Variants in SLC4A4 observed in about 807,000 individuals in gnomAD.
SLC4A4 encodes the protein electrogenic sodium bicarbonate cotransporter 1.
Under a neutral mutation model 111.5 loss-of-function variants are expected in SLC4A4, and 27 were observed. The ratio of observed to expected loss-of-function variants is 0.24; its 90% confidence interval spans 0.18 to 0.33. SLC4A4 has a LOEUF of 0.33. Ranked by LOEUF, SLC4A4 falls within the 10% of genes least tolerant of loss-of-function variation. SLC4A4 has a pLI of 1.00. For missense variants in SLC4A4, 909 were observed against 1,315.5 expected (o/e 0.69, Z 4.78); for synonymous variants, 443 against 463.4 (o/e 0.96, Z 0.57).
chr4:71,454,040 T>G, intron 12 of SLC4A4, among the ~76,000 whole-genome samples: 1 of 152,322 alleles, frequency 6.6e-6, no homozygotes, highest in Middle Eastern at 3.4e-3. Flanking sequence ...ACACTTTCTT[T>G]GGGAATGTAT....
intron 2 of SLC4A4, among the ~76,000 whole-genome samples, chr4:71,119,546 T>C (rs1578497603): frequency 6.6e-6 from 1 of 152,304 alleles, no homozygotes; most frequent in East Asian, 1.9e-4. Flanking sequence ...CATGGTCACC[T>C]GGCTAAGTTT....
intron 18 of SLC4A4, among the ~76,000 whole-genome samples, chr4:71,538,253 G>T (rs77059282): frequency 3.3e-5 from 5 of 151,932 alleles, no homozygotes; most frequent in African/African-American, 4.8e-5. Flanking sequence ...TTAGAATTTC[G>T]GAAGTTTAGG....
intron 7 of SLC4A4, among the ~76,000 whole-genome samples, chr4:71,428,155 G>A (rs1723313876): frequency 6.6e-6 from 1 of 152,138 alleles, no homozygotes; most frequent in South Asian, 2.1e-4. Context: ...TACCTTAAGA[G>A]TTAATATTGT....
intron 2 of SLC4A4, among the ~76,000 whole-genome samples, chr4:71,132,895 T>C (rs1454527976): frequency 6.6e-6 from 1 of 152,182 alleles, no homozygotes; most frequent in African/African-American, 2.4e-5. Flanking sequence ...TGTTGGGCAC[T>C]GCATAGGCCA....
chr4:71,342,283 G>A (rs1020151897), intron 4 of SLC4A4, among the ~76,000 whole-genome samples: 9 of 152,132 alleles, frequency 5.9e-5, no homozygotes, highest in African/African-American at 2.2e-4. Context: ...TCCTCCAAAA[G>A]AAGGCTTCCA....
chr4:71,531,821 AGAGAGAAAGAGC>A lies in SLC4A4; in HGVS notation c.2167-237_2167-226del, dbSNP rs1333489733. The stretch of plus-strand genomic sequence containing the variant: ...CACACACACAGAAAGAGAGAGAGAG[AGAGAGAAAGAGC>A]GAGCGCAACCTGTTCTTTGGGATAC... On this transcript the variant is annotated intron_variant, in intron 16 of 25. Transcript: ENST00000264485. Among the ~76,000 whole-genome samples the A allele has an allele frequency of 1.9e-4, 29 of 151,568 alleles. No individual in the cohort carries two copies. The South Asian group carries it at 3.8e-3, about 20-fold the overall frequency.
chr4:71,363,479 G>C (rs894758464), intron 6 of SLC4A4, among the ~76,000 whole-genome samples: 1 of 152,132 alleles, frequency 6.6e-6, no homozygotes, highest in Non-Finnish European at 1.5e-5. Flanking sequence ...CTCAGGCTGG[G>C]TTGTTCTGCT....
chr4:71,541,264 T>G (rs1437163995), intron 18 of SLC4A4, among the ~76,000 whole-genome samples: 1 of 152,124 alleles, frequency 6.6e-6, no homozygotes, highest in Non-Finnish European at 1.5e-5. Flanking sequence ...TGATTTCGAT[T>G]TTTAAAAAAG....
chr4:71,385,358 C>T (rs1718611260), intron 6 of SLC4A4, among the ~76,000 whole-genome samples: 1 of 151,108 alleles, frequency 6.6e-6, no homozygotes, highest in African/African-American at 2.4e-5. Context: ...ACCATCCGAC[C>T]CGGCTAATTT....
At chr4:71,368,672 T>C (rs1456438374) in intron 6 of SLC4A4, among the ~76,000 whole-genome samples, 1 of 152,254 alleles carries the variant, frequency 6.6e-6, no homozygotes, top group Non-Finnish European at 1.5e-5. Flanking sequence ...ATGTGGTTCA[T>C]AATTATTAAC....
In SLC4A4 at chr4:71,557,607, C is replaced by T. The variant is rs1001612641; in HGVS notation, c.2764-105C>T. On this transcript the variant is annotated intron_variant, in intron 21 of 25. Transcript: ENST00000264485. ...CCATTCCTTTGTCCTCTGAAAAGGACACTGCTTGCCTAAATTATAGAATAT... is the reference window on the plus strand; with the variant it reads ...CCATTCCTTTGTCCTCTGAAAAGGATACTGCTTGCCTAAATTATAGAATAT... 2.6e-6 allele frequency: 3 copies of T among 1,150,348 alleles called. No homozygotes were observed. In the East Asian group the frequency reaches 7.3e-5, roughly 28 times the overall value. 71.3% of individuals were successfully genotyped at this position (1,150,348 alleles called of 1,614,324 possible).
At chr4:71,511,580 AT>A (rs1731922444) in intron 16 of SLC4A4, among the ~76,000 whole-genome samples, 1 of 152,090 alleles carries the variant, frequency 6.6e-6, no homozygotes, top group Non-Finnish European at 1.5e-5. Flanking sequence ...TATTGCACAA[AT>A]TTATGGGGTA....
intron 7 of SLC4A4, among the ~76,000 whole-genome samples, chr4:71,424,897 G>C (rs902316789): frequency 1.3e-5 from 2 of 151,888 alleles, no homozygotes. Context: ...GCTAGATGAC[G>C]AGTTAGTGGG....
intron 2 of SLC4A4, among the ~76,000 whole-genome samples, chr4:71,158,861 C>T (rs544804855): frequency 7.9e-5 from 12 of 152,180 alleles, no homozygotes; most frequent in African/African-American, 1.2e-4. Context: ...GTGCACTTCA[C>T]GGAGAATGGG....
At chr4:71,142,436 A>G (rs1321163563) in intron 2 of SLC4A4, among the ~76,000 whole-genome samples, 1 of 152,156 alleles carries the variant, frequency 6.6e-6, no homozygotes, top group African/African-American at 2.4e-5. Flanking sequence ...TTCAAACTCA[A>G]CTATGGCTTT....
chr4:71,529,681 T>C (rs890296744), intron 16 of SLC4A4, among the ~76,000 whole-genome samples: 1 of 152,142 alleles, frequency 6.6e-6, no homozygotes, highest in Non-Finnish European at 1.5e-5. Flanking sequence ...ACCAAAGAAT[T>C]GCAGATTGAA....
At position 71,440,810 on chromosome 4, in the gene SLC4A4, A is replaced by G. The variant is rs778732636; in HGVS notation, c.965+37A>G. On this transcript the variant is annotated intron_variant, in intron 8 of 25. Coordinates refer to ENST00000264485, the MANE Select transcript of SLC4A4 (RefSeq NM_001098484.3). ...TCCTACCTGGGGTCTACAATGTGCT[A>G]ATAGGGTTATCTCCTCCCATTCAGG... The G allele has an allele frequency of 6.2e-6, 10 of 1,609,816 alleles. No individual in the cohort carries two copies. In the East Asian group the frequency reaches 2.2e-4, roughly 36 times the overall value.
intron 20 of SLC4A4, 43 bp from the exon 21 acceptor site, chr4:71,555,097 T>A: frequency 7.5e-7 from 1 of 1,332,048 alleles, no homozygotes; most frequent in South Asian, 1.2e-5. Flanking sequence ...TCCTCTTTTT[T>A]CTTGTTATCA....
intron 16 of SLC4A4, among the ~76,000 whole-genome samples, chr4:71,528,388 TAGG>T (rs1191344428): frequency 6.6e-6 from 1 of 152,158 alleles, no homozygotes; most frequent in African/African-American, 2.4e-5. Flanking sequence ...ATTATAATTT[TAGG>T]AGATTTGACA....
Sources: gnomAD v4.1 joint callset for allele counts (sites outside exome capture counted in the v4.1 genomes callset) on GRCh38, gnomAD v4.1.1 for gene constraint, MANE v1.5 for transcripts, NCBI Gene and HGNC (gene_info 2026-07-23, HGNC 2026-07-21) for gene names.